CSMD1: variants seen among roughly 807,000 people sequenced by gnomAD.
CSMD1 encodes CUB and sushi domain-containing protein 1.
CSMD1 carries 213 observed loss-of-function variants against 417.5 expected under a neutral mutation model. The observed-to-expected ratio is 0.51, with a 90% CI of 0.46 to 0.57. The LOEUF (loss-of-function observed/expected upper bound fraction) is 0.57. CSMD1 is among the 20% of genes least tolerant of loss of function. The pLI is 0.00. For synonymous variants in CSMD1, 2,862 were observed against 1,736.8 expected, an observed-to-expected ratio of 1.65 and a Z score of -16.11; for missense variants, 6,923 against 4,529.7, an observed-to-expected ratio of 1.53 and a Z score of -15.17.
At chr8:4,308,540 T>G (rs893751007) in intron 3 of CSMD1, among the ~76,000 whole-genome samples, 1 of 152,236 alleles carries the variant, frequency 6.6e-6, no homozygotes, top group Non-Finnish European at 1.5e-5. Context: ...TTAGCAGAGT[T>G]GGACGTTGTC....
intron 8 of CSMD1, among the ~76,000 whole-genome samples, chr8:3,602,352 C>G (rs150550564): frequency 6.6e-6 from 1 of 151,984 alleles, no homozygotes; most frequent in Non-Finnish European, 1.5e-5. Context: ...AACAAATTTC[C>G]GGTGGAGGCA....
At chr8:4,174,045 G>C (rs1035951038) in intron 3 of CSMD1, among the ~76,000 whole-genome samples, 1 of 152,164 alleles carries the variant, frequency 6.6e-6, no homozygotes, top group Non-Finnish European at 1.5e-5. Context: ...GAGTTCATTG[G>C]TTTAGGCCTG....
intron 2 of CSMD1, among the ~76,000 whole-genome samples, chr8:4,451,293 T>A (rs12543082): frequency 0.17 from 25,317 of 152,118 alleles, 2,306 homozygotes; most frequent in South Asian, 0.28. Flanking sequence ...CAATCATGAC[T>A]CCATCAATCA....
intron 2 of CSMD1, among the ~76,000 whole-genome samples, chr8:4,474,033 C>G (rs960736526): frequency 6.6e-6 from 1 of 152,112 alleles, no homozygotes; most frequent in East Asian, 1.9e-4. Flanking sequence ...ATAAGAGATA[C>G]TATCAAAGAA....
chr8:4,116,364 A>C (rs192575001), intron 3 of CSMD1, among the ~76,000 whole-genome samples: 4 of 152,286 alleles, frequency 2.6e-5, no homozygotes, highest in Non-Finnish European at 5.9e-5. Flanking sequence ...GTCATTATAC[A>C]CTTGTCCAAA....
chr8:4,455,645 T>C (rs184069187), intron 2 of CSMD1, among the ~76,000 whole-genome samples: 166 of 152,010 alleles, frequency 1.1e-3, no homozygotes, highest in Non-Finnish European at 2.0e-3. Context: ...TAAAACGCAA[T>C]TGAGGCCAGA....
chr8:3,066,561 A>G (rs1365190627), intron 49 of CSMD1, among the ~76,000 whole-genome samples: 1 of 152,176 alleles, frequency 6.6e-6, no homozygotes, highest in African/African-American at 2.4e-5. Flanking sequence ...CTTCCTTGTG[A>G]TATTTTGTCT....
At chr8:3,027,489 G>A (rs945053752) in intron 51 of CSMD1, among the ~76,000 whole-genome samples, 23 of 152,298 alleles carry the variant, frequency 1.5e-4, no homozygotes, top group African/African-American at 5.3e-4. Flanking sequence ...CTGAGCTACA[G>A]ATATTAATAA....
At chr8:3,543,382 T>C (rs1486397234) in intron 10 of CSMD1, among the ~76,000 whole-genome samples, 1 of 152,174 alleles carries the variant, frequency 6.6e-6, no homozygotes, top group Admixed American at 6.5e-5. Flanking sequence ...TTGAAAATAA[T>C]CACTCGTTTC....
rs577518456 is a variant in CSMD1, at chr8:3,182,651, G to A, written c.5621-1437C>T. On this transcript the variant is annotated intron_variant, in intron 36 of 69. Transcript: ENST00000635120. ...GTGTGTGTATTGTTAGTAGAGAAGG[G>A]GGACTCTGGCTGTCTATAAGAAGCT... Among the ~76,000 whole-genome samples the A allele has an allele frequency of 5.7e-5, 4 of 70,622 alleles. No homozygotes were observed. In the East Asian group the frequency reaches 1.5e-3, roughly 26 times the overall value. The allele number at this position is 70,622 out of a possible 152,430, so 46.3% of individuals were successfully genotyped here. A position where few individuals can be genotyped will look rare whatever the true frequency, so the allele number is the denominator to read the frequency against.
chr8:3,915,323 T>C (rs988276450), intron 5 of CSMD1, among the ~76,000 whole-genome samples: 2 of 149,520 alleles, frequency 1.3e-5, no homozygotes, highest in Admixed American at 6.7e-5. Context: ...GGAGAATCAT[T>C]TGAACCCAGG....
chr8:4,640,444 G>C (rs1803120729), intron 1 of CSMD1, among the ~76,000 whole-genome samples: 1 of 152,148 alleles, frequency 6.6e-6, no homozygotes, highest in Admixed American at 6.5e-5. Context: ...CAGTGGAACA[G>C]AATAGAAAGC....
chr8:4,975,707 C>T (rs1273363897), intron 1 of CSMD1, among the ~76,000 whole-genome samples: 2 of 152,280 alleles, frequency 1.3e-5, no homozygotes, highest in African/African-American at 4.8e-5. Flanking sequence ...ATTGTGAGCT[C>T]TTCAGGGTTT....
chr8:3,313,742 C>A lies in CSMD1; in HGVS notation c.3632-5239G>T, dbSNP rs563510938. On this transcript the variant is annotated intron_variant, in intron 23 of 69. Coordinates refer to ENST00000635120, the MANE Select transcript of CSMD1 (RefSeq NM_033225.6). The stretch of plus-strand genomic sequence containing the variant: ...CCTCAGGGATCTAGAACTAGAAATA[C>A]CATTTGACCCAGCCATCCCATTACT... Among the ~76,000 whole-genome samples the A allele has an allele frequency of 4.6e-5, 7 of 152,272 alleles. No homozygotes were observed. In the East Asian group the frequency reaches 1.2e-3, roughly 25 times the overall value.
chr8:3,010,037 C>A (rs1808260838), intron 52 of CSMD1, among the ~76,000 whole-genome samples: 1 of 152,144 alleles, frequency 6.6e-6, no homozygotes, highest in Admixed American at 6.6e-5. Flanking sequence ...CCTATCCTGC[C>A]TCATTGTCCT....
chr8:4,231,638 C>A (rs1024621545), intron 3 of CSMD1, among the ~76,000 whole-genome samples: 1 of 152,198 alleles, frequency 6.6e-6, no homozygotes, highest in Non-Finnish European at 1.5e-5. Context: ...TTCTTTACTG[C>A]AGGCTCTGTC....
intron 65 of CSMD1, among the ~76,000 whole-genome samples, chr8:2,953,374 T>C (rs545499078): frequency 1.3e-5 from 2 of 151,980 alleles, no homozygotes; most frequent in East Asian, 3.9e-4. Flanking sequence ...TGTCTAAGAA[T>C]TAAATGTGTC....
intron 7 of CSMD1, among the ~76,000 whole-genome samples, chr8:3,685,740 T>C (rs932535434): frequency 4.0e-5 from 6 of 149,622 alleles, no homozygotes; most frequent in African/African-American, 1.2e-4. Flanking sequence ...TCTTTTTTTT[T>C]ATAACATGTT....
chr8:3,970,922 T>A (rs1585053902), intron 5 of CSMD1, among the ~76,000 whole-genome samples: 1 of 152,104 alleles, frequency 6.6e-6, no homozygotes, highest in Non-Finnish European at 1.5e-5. Context: ...CCGCTAATTT[T>A]GTATTTTTAG....
Sources: gnomAD v4.1 joint callset for allele counts (sites outside exome capture counted in the v4.1 genomes callset) on GRCh38, gnomAD v4.1.1 for gene constraint, MANE v1.5 for transcripts, NCBI Gene and HGNC (gene_info 2026-07-23, HGNC 2026-07-21) for gene names.